Variants in TNR observed in about 807,000 individuals in gnomAD.
The protein encoded by TNR is tenascin R.
In TNR, 45 loss-of-function variants were observed where a neutral mutation model predicts 150.4. The ratio of observed to expected loss-of-function variants is 0.30; its 90% CI spans 0.24 to 0.38. The LOEUF is 0.38. Among genes scored for constraint, TNR ranks in the 10% least tolerant of loss-of-function variants. The pLI, the probability that TNR is intolerant of heterozygous loss-of-function variation, is 1.00. For missense variants in TNR, 1,544 were observed against 1,759.1 expected, an observed-to-expected ratio of 0.88 and a Z score of 2.19; for synonymous variants, 687 against 678.4, an observed-to-expected ratio of 1.01 and a Z score of -0.20.
rs142583833 is a variant in TNR at position 175,707,017 on chromosome 1, G to C, written c.-165+36209C>G. Among the ~76,000 whole-genome samples the C allele has an allele frequency of 1.5e-3, 229 of 152,294 alleles. 2 individuals carry two copies. The highest frequency in any genetic ancestry group is 5.3e-3 in the African/African-American group (220 of 41,566). Reference sequence around the variant, plus strand: ...TATGACCTCATTGGTATTGCATCTGGCCTGTCATCCAGGGCCTACAGTCTT... The same window carrying C: ...TATGACCTCATTGGTATTGCATCTGCCCTGTCATCCAGGGCCTACAGTCTT... On this transcript the variant is annotated intron_variant, in intron 1 of 22. Coordinates refer to ENST00000367674, the MANE Select transcript of TNR (RefSeq NM_003285.3).
intron 1 of TNR, among the ~76,000 whole-genome samples, chr1:175,536,380 AG>A (rs1390669518): frequency 6.6e-6 from 1 of 152,214 alleles, no homozygotes; most frequent in Non-Finnish European, 1.5e-5. Context: ...TGCCATGGCT[AG>A]GGCCTGGGTG....
intron 2 of TNR, among the ~76,000 whole-genome samples, chr1:175,447,727 T>C (rs1383528920): frequency 6.6e-6 from 1 of 152,208 alleles, no homozygotes; most frequent in African/African-American, 2.4e-5. Context: ...TCCTTTCTAT[T>C]TGTAGGCAAA....
Position 175,607,337 on chromosome 1 carries a change from C to G in TNR, c.-164-78968G>C, listed in dbSNP as rs544077508. Among the ~76,000 whole-genome samples, 80 of 152,308 alleles carry G rather than the reference C, an allele frequency of 5.3e-4. No individual in the cohort carries two copies. In the South Asian group the frequency reaches 0.016, roughly 30 times the overall value. On this transcript the variant is annotated intron_variant, in intron 1 of 22. Coordinates refer to ENST00000367674, the MANE Select transcript of TNR (RefSeq NM_003285.3). The stretch of plus-strand genomic sequence containing the variant: ...ATAGAAGCCCAAATGGAATCCCTGG[C>G]ACTACAGTCCTGCTAAGCATTTGTG...
At chr1:175,538,151 G>T (rs1181574957) in intron 1 of TNR, among the ~76,000 whole-genome samples, 1 of 152,152 alleles carries the variant, frequency 6.6e-6, no homozygotes, top group Non-Finnish European at 1.5e-5. Context: ...GGGTCCATTG[G>T]GCTGTGACCA....
At chr1:175,528,415 A>T (rs1352018019) in intron 1 of TNR, 46 bp from the exon 2 acceptor site, 1 of 152,224 alleles carries the variant, frequency 6.6e-6, no homozygotes, top group Non-Finnish European at 1.5e-5. Context: ...ATGGTTTCAA[A>T]ATAAGAAACC....
intron 1 of TNR, among the ~76,000 whole-genome samples, chr1:175,590,169 C>A (rs1662742318): frequency 6.6e-6 from 1 of 151,858 alleles, no homozygotes; most frequent in South Asian, 2.1e-4. Flanking sequence ...ATTTGAGATC[C>A]TCTTATCAAA....
chr1:175,359,139 CTTTTTTTTTTTTT>C (rs758610631), intron 15 of TNR, among the ~76,000 whole-genome samples: 1 of 42,138 alleles, frequency 2.4e-5, no homozygotes, highest in African/African-American at 8.4e-5. Flanking sequence ...GGGATATCTT[CTTTTTTTTTTTTT>C]TTTTTTTTTT....
chr1:175,587,881 A>G (rs1408255749), intron 1 of TNR, among the ~76,000 whole-genome samples: 2 of 152,144 alleles, frequency 1.3e-5, no homozygotes, highest in Non-Finnish European at 2.9e-5. Flanking sequence ...TTCCCATGTA[A>G]CCACTAAGAG....
intron 1 of TNR, among the ~76,000 whole-genome samples, chr1:175,627,022 C>A (rs922707929): frequency 2.6e-5 from 4 of 152,214 alleles, no homozygotes; most frequent in Admixed American, 6.5e-5. Flanking sequence ...TTCAGAGGAA[C>A]CTAGATCCTG....
chr1:175,476,637 T>TA (rs1657555011), intron 2 of TNR, among the ~76,000 whole-genome samples: 2 of 152,154 alleles, frequency 1.3e-5, no homozygotes, highest in Non-Finnish European at 2.9e-5. Context: ...CACCTCACAA[T>TA]AAAAAACCTA....
rs2101973694 is a variant in TNR at position 175,319,107 on chromosome 1, A to G, written c.*4250T>C. ...CAGATTGACTAGTATTCTGGTGATA[A>G]GAAAGCAAGCAGTAGAATACCATAT... is the stretch of plus-strand genomic sequence containing the variant. On this transcript the variant is annotated 3_prime_UTR_variant, in exon 23 of 23. Coordinates refer to ENST00000367674, the MANE Select transcript of TNR (RefSeq NM_003285.3). 1 of 152,350 alleles carries G rather than the reference A, an allele frequency of 6.6e-6. No individual in the cohort carries two copies. The highest frequency in any genetic ancestry group is 2.4e-5 in the African/African-American group (1 of 41,592). The allele number at this position is 152,350 out of a possible 1,614,324, so 9.4% of individuals were successfully genotyped here.
chr1:175,362,961 A>C, intron 13 of TNR, 152 bp from the exon 14 acceptor site: 1 of 990,820 alleles, frequency 1.0e-6, no homozygotes, highest in East Asian at 2.5e-5. Flanking sequence ...GGAATGTTGG[A>C]GTGTGAAGAG....
At chr1:175,510,773 T>C (rs1367208830) in intron 2 of TNR, among the ~76,000 whole-genome samples, 1 of 150,982 alleles carries the variant, frequency 6.6e-6, no homozygotes, top group Non-Finnish European at 1.5e-5. Flanking sequence ...CTTTAAAGTA[T>C]CAGATAGTAA....
In TNR at chr1:175,643,057, G is replaced by C. The variant is rs527680144; in HGVS notation, c.-165+100169C>G. Among the ~76,000 whole-genome samples the C allele has an allele frequency of 7.2e-5, 11 of 152,316 alleles. 1 individual carries two copies. The East Asian group carries it at 1.7e-3, about 24-fold the overall frequency. On this transcript the variant is annotated intron_variant, in intron 1 of 22. Transcript: ENST00000367674. The stretch of plus-strand genomic sequence containing the variant: ...GAGAATCACTAGAGAAACGTTAATA[G>C]AATTTTATAATCTATTGGGTGAGAG...
chr1:175,427,886 T>A (rs1655081220), intron 2 of TNR, among the ~76,000 whole-genome samples: 2 of 82,112 alleles, frequency 2.4e-5, no homozygotes, highest in Admixed American at 1.1e-4. Context: ...CCCTCCCTTC[T>A]TCGCTTCCTT....
intron 2 of TNR, among the ~76,000 whole-genome samples, chr1:175,462,242 G>C (rs1033742887): frequency 1.1e-4 from 16 of 152,188 alleles, no homozygotes; most frequent in Non-Finnish European, 1.6e-4. Flanking sequence ...TCCCTATTTG[G>C]TGTATGTGGA....
At chr1:175,526,741 G>A (rs1244291090) in intron 2 of TNR, among the ~76,000 whole-genome samples, 2 of 152,242 alleles carry the variant, frequency 1.3e-5, no homozygotes, top group African/African-American at 2.4e-5. Context: ...GGCAAGCAAG[G>A]CAGTTCAGGC....
At chr1:175,686,993 T>C (rs1666218399) in intron 1 of TNR, among the ~76,000 whole-genome samples, 1 of 152,226 alleles carries the variant, frequency 6.6e-6, no homozygotes, top group South Asian at 2.1e-4. Flanking sequence ...TCTTTTCCTC[T>C]GGGTAGATAC....
intron 1 of TNR, among the ~76,000 whole-genome samples, chr1:175,578,946 C>T (rs1262768079): frequency 1.3e-5 from 2 of 152,122 alleles, no homozygotes. Context: ...CATGGCAGGC[C>T]CTGTCTCAAC....
Sources: gnomAD v4.1 joint callset for allele counts (sites outside exome capture counted in the v4.1 genomes callset) on GRCh38, gnomAD v4.1.1 for gene constraint, MANE v1.5 for transcripts, NCBI Gene and HGNC (gene_info 2026-07-23, HGNC 2026-07-21) for gene names.